ZNF804B: variants seen among roughly 807,000 people sequenced by gnomAD.
ZNF804B encodes the protein zinc finger protein 804B, also known as zinc finger 804B.
Under a neutral mutation model 101.4 loss-of-function variants are expected in ZNF804B, and 80 were observed. That is an observed-to-expected ratio of 0.79 (90% CI 0.66 to 0.95). ZNF804B has a LOEUF of 0.95. Ranked by LOEUF, ZNF804B falls within the 40% of genes least tolerant of loss-of-function variation. The probability of loss-of-function intolerance (pLI) is 0.00; values close to 1 mark genes in which losing one functional copy is unlikely to be tolerated. For missense variants in ZNF804B, 1,673 were observed against 1,561.9 expected (o/e 1.07, Z -1.20); for synonymous variants, 622 against 558.8 (o/e 1.11, Z -1.59).
chr7:89,310,024 A>C (rs1790627002), intron 2 of ZNF804B, among the ~76,000 whole-genome samples: 1 of 151,848 alleles, frequency 6.6e-6, no homozygotes, highest in Non-Finnish European at 1.5e-5. Flanking sequence ...AAGTTCTTCT[A>C]ACAAGTCGTG....
chr7:89,285,819 T>TA (rs1414318480), intron 2 of ZNF804B, among the ~76,000 whole-genome samples: 1 of 152,148 alleles, frequency 6.6e-6, no homozygotes, highest in Middle Eastern at 3.2e-3. Context: ...AAAGAAAAGA[T>TA]AGACACCAGC....
At chr7:89,154,119 G>A (rs537209800) in intron 1 of ZNF804B, among the ~76,000 whole-genome samples, 1 of 152,228 alleles carries the variant, frequency 6.6e-6, no homozygotes, top group Admixed American at 6.5e-5. Context: ...ATGGCAAACA[G>A]GCATATGAAA....
chr7:89,153,630 C>G (rs1319742615), intron 1 of ZNF804B, among the ~76,000 whole-genome samples: 1 of 151,972 alleles, frequency 6.6e-6, no homozygotes, highest in Non-Finnish European at 1.5e-5. Context: ...TATCATAAGA[C>G]AAGTGGTCAC....
At chr7:88,917,237 C>T (rs1053913227) in intron 1 of ZNF804B, among the ~76,000 whole-genome samples, 1 of 151,866 alleles carries the variant, frequency 6.6e-6, no homozygotes, top group African/African-American at 2.4e-5. Context: ...TGCACTCCAG[C>T]CTGGGGGACA....
At chr7:89,166,937 C>A (rs1265807588) in intron 1 of ZNF804B, among the ~76,000 whole-genome samples, 1 of 152,092 alleles carries the variant, frequency 6.6e-6, no homozygotes, top group East Asian at 1.9e-4. Flanking sequence ...GGTTATATTT[C>A]TCTGGACTGA....
intron 2 of ZNF804B, among the ~76,000 whole-genome samples, chr7:89,249,914 G>A (rs1212920451): frequency 6.6e-6 from 1 of 152,156 alleles, no homozygotes; most frequent in Non-Finnish European, 1.5e-5. Flanking sequence ...TAGGCCAGCT[G>A]TGGTGGTTCA....
At chr7:89,205,033 G>T (rs754746665) in intron 1 of ZNF804B, among the ~76,000 whole-genome samples, 2 of 152,144 alleles carry the variant, frequency 1.3e-5, no homozygotes, top group African/African-American at 4.8e-5. Flanking sequence ...GACGAAAGGC[G>T]AATGAGGAGC....
intron 1 of ZNF804B, among the ~76,000 whole-genome samples, chr7:89,203,388 C>A (rs181373754): frequency 2.0e-5 from 3 of 152,078 alleles, no homozygotes; most frequent in Non-Finnish European, 4.4e-5. Context: ...CAGTTGTATG[C>A]GAAGACTATT....
At chr7:88,872,101 A>T (rs1583988384) in intron 1 of ZNF804B, among the ~76,000 whole-genome samples, 1 of 152,248 alleles carries the variant, frequency 6.6e-6, no homozygotes, top group Non-Finnish European at 1.5e-5. Context: ...ACTCAGACAA[A>T]AATGGATTAA....
chr7:89,124,463 G>C (rs1353491773), intron 1 of ZNF804B, among the ~76,000 whole-genome samples: 1 of 152,098 alleles, frequency 6.6e-6, no homozygotes, highest in Non-Finnish European at 1.5e-5. Flanking sequence ...CTGGGACAAG[G>C]GGTGGACTTG....
intron 1 of ZNF804B, among the ~76,000 whole-genome samples, chr7:89,031,074 A>G (rs965534169): frequency 4.6e-5 from 7 of 152,074 alleles, no homozygotes; most frequent in African/African-American, 1.7e-4. Flanking sequence ...AATGTAAATG[A>G]TGAGTTGATG....
chr7:89,218,904 AGAG>A (rs1238763124), intron 2 of ZNF804B, among the ~76,000 whole-genome samples: 3 of 152,080 alleles, frequency 2.0e-5, no homozygotes, highest in African/African-American at 7.2e-5. Context: ...AGGAAGAGAA[AGAG>A]GAGGAGTTGG....
chr7:88,890,721 C>A (rs192596732), intron 1 of ZNF804B, among the ~76,000 whole-genome samples: 1 of 152,088 alleles, frequency 6.6e-6, no homozygotes, highest in Non-Finnish European at 1.5e-5. Context: ...TTGGTGGATA[C>A]ATATAACTGC....
At position 88,921,004 on chromosome 7, in the gene ZNF804B, T is replaced by A. The variant is rs560851607; in HGVS notation, c.108+160920T>A. Among the ~76,000 whole-genome samples the A allele has an allele frequency of 5.9e-5, 9 of 152,188 alleles. No individual in the cohort carries two copies. The South Asian group carries it at 1.9e-3, about 32-fold the overall frequency. On this transcript the variant is annotated intron_variant, in intron 1 of 3. Transcript: ENST00000333190. ...TGGAAAAGATCTGAACTAGATATCA[T>A]GATTGTAGCTCATGTAATTTTTCTA...
intron 1 of ZNF804B, among the ~76,000 whole-genome samples, chr7:88,852,157 T>C (rs1791457814): frequency 6.6e-6 from 1 of 152,086 alleles, no homozygotes; most frequent in African/African-American, 2.4e-5. Flanking sequence ...CTGGTTGTAC[T>C]TGCAGACAGG....
chr7:89,054,138 T>A (rs1275861351), intron 1 of ZNF804B, among the ~76,000 whole-genome samples: 3 of 151,946 alleles, frequency 2.0e-5, no homozygotes, highest in Non-Finnish European at 4.4e-5. Context: ...ATTTGATAGG[T>A]AGAAGTTCAT....
chr7:89,285,223 A>T (rs974065417), intron 2 of ZNF804B, among the ~76,000 whole-genome samples: 3 of 151,746 alleles, frequency 2.0e-5, no homozygotes, highest in African/African-American at 7.3e-5. Context: ...TGTCACAAAA[A>T]AATAAAAGAA....
Position 89,273,533 on chromosome 7 carries a change from G to C in ZNF804B, c.250-53811G>C, listed in dbSNP as rs560040528. 2.0e-5 allele frequency among the ~76,000 whole-genome samples: 3 copies of C among 152,212 alleles called. No homozygotes were observed. The East Asian group carries it at 5.8e-4, about 29-fold the overall frequency. The stretch of plus-strand genomic sequence containing the variant: ...TATAGCCAACTTATAAATATTTACT[G>C]CTAGAAGCTTACAAACAACATGCTC... On this transcript the variant is annotated intron_variant, in intron 2 of 3. Transcript: ENST00000333190.
intron 1 of ZNF804B, among the ~76,000 whole-genome samples, chr7:89,084,669 T>G (rs1789761691): frequency 6.6e-6 from 1 of 151,964 alleles, no homozygotes; most frequent in South Asian, 2.1e-4. Flanking sequence ...TTGCTGACAC[T>G]GATTTCTTAA....
Sources: allele counts gnomAD v4.1 joint callset (sites outside exome capture counted in the v4.1 genomes callset), GRCh38; gene constraint gnomAD v4.1.1; transcripts MANE v1.5; gene names NCBI Gene and HGNC (gene_info 2026-07-23, HGNC 2026-07-21).